NCAM1: variants seen among roughly 807,000 people sequenced by gnomAD.
NCAM1 encodes antigen recognized by monoclonal antibody 5.1H11.
NCAM1 carries 14 observed loss-of-function variants against 109.8 expected under a neutral mutation model. The ratio of observed to expected loss-of-function variants is 0.13; its 90% CI spans 0.08 to 0.20. The LOEUF (loss-of-function observed/expected upper bound fraction) is 0.20. NCAM1 is among the 10% of genes least tolerant of loss of function. The pLI is 1.00. For synonymous variants in NCAM1, 418 were observed against 442.9 expected (o/e 0.94, Z 0.70); for missense variants, 774 against 1,109.9 (o/e 0.70, Z 4.30).
chr11:113,231,927 C>A (rs1945021553), intron 10 of NCAM1, 132 bp downstream of exon 10: 4 of 1,275,108 alleles, frequency 3.1e-6, no homozygotes, highest in Non-Finnish European at 4.4e-6. Flanking sequence ...TGACCCTGGG[C>A]TATTTCAGAG....
chr11:113,184,231 A>G lies in NCAM1; in HGVS notation c.53-18148A>G, dbSNP rs533209056. 2.9e-3 allele frequency among the ~76,000 whole-genome samples: 437 copies of G among 152,368 alleles called. 2 individuals are homozygous for G. The highest frequency in any genetic ancestry group is 9.9e-3 in the African/African-American group (410 of 41,582). ...TTGGGACTCCATAGCTTTGAAGGCA[A>G]GATGAATTCAGCTAGGAACTGAGGG... On this transcript the variant is annotated intron_variant, in intron 1 of 19. Coordinates refer to ENST00000316851, the MANE Select transcript of NCAM1 (RefSeq NM_181351.5).
At chr11:113,072,001 C>A (rs1349951148) in intron 1 of NCAM1, among the ~76,000 whole-genome samples, 1 of 151,962 alleles carries the variant, frequency 6.6e-6, no homozygotes, top group Non-Finnish European at 1.5e-5. Flanking sequence ...AAAAATTAGC[C>A]AGGTATGGTG....
chr11:113,018,457 A>G (rs782160190), intron 1 of NCAM1, among the ~76,000 whole-genome samples: 5 of 152,090 alleles, frequency 3.3e-5, no homozygotes, highest in Non-Finnish European at 7.4e-5. Flanking sequence ...CCTTCCCTTG[A>G]GATAATATTG....
chr11:113,157,150 C>T (rs782592852), intron 1 of NCAM1, among the ~76,000 whole-genome samples: 2 of 152,004 alleles, frequency 1.3e-5, no homozygotes, highest in Non-Finnish European at 2.9e-5. Flanking sequence ...CACACACACA[C>T]ACACACACAC....
intron 15 of NCAM1, among the ~76,000 whole-genome samples, chr11:113,252,271 T>C (rs1945702283): frequency 6.6e-6 from 1 of 151,998 alleles, no homozygotes; most frequent in Non-Finnish European, 1.5e-5. Flanking sequence ...CCGAGTGTGG[T>C]GGCATGTGCC....
intron 1 of NCAM1, among the ~76,000 whole-genome samples, chr11:112,964,160 T>TTG (rs1249802009): frequency 1.2e-4 from 12 of 104,256 alleles, no homozygotes; most frequent in East Asian, 3.2e-4. Flanking sequence ...TTTTTGTTTT[T>TTG]TTTTTGGACT....
At chr11:113,148,194 C>G (rs991548254) in intron 1 of NCAM1, among the ~76,000 whole-genome samples, 1 of 152,076 alleles carries the variant, frequency 6.6e-6, no homozygotes, top group Non-Finnish European at 1.5e-5. Flanking sequence ...TGGGGCAGTT[C>G]GGACGTGCAG....
rs1417214572 is a variant in NCAM1 at position 113,242,872 on chromosome 11, G to A, written c.1826-3496G>A. ...GTGAGTACAGGGCTGAGTTGCTCTC[G>A]GCCAGACCTCTGATCGCTTGTTGTA... is the stretch of plus-strand genomic sequence containing the variant. On this transcript the variant is annotated intron_variant, in intron 14 of 19. Transcript: ENST00000316851. 10 of 1,613,672 alleles carry A rather than the reference G, an allele frequency of 6.2e-6. No homozygotes were observed. The African/African-American group carries it at 6.7e-5, about 11-fold the overall frequency.
chr11:112,987,470 T>C (rs2134761236), intron 1 of NCAM1, among the ~76,000 whole-genome samples: 1 of 152,264 alleles, frequency 6.6e-6, no homozygotes, highest in African/African-American at 2.4e-5. Context: ...GATCTAGCCA[T>C]TGTTGAAAGT....
intron 1 of NCAM1, among the ~76,000 whole-genome samples, chr11:113,012,433 G>A (rs1453946765): frequency 6.6e-6 from 1 of 152,138 alleles, no homozygotes; most frequent in Non-Finnish European, 1.5e-5. Context: ...TAAAGGTATT[G>A]TGATTGTGTA....
At chr11:113,188,847 G>A (rs1464337896) in intron 1 of NCAM1, among the ~76,000 whole-genome samples, 2 of 152,024 alleles carry the variant, frequency 1.3e-5, no homozygotes, top group Non-Finnish European at 2.9e-5. Context: ...GTGTGTGTGT[G>A]TGTCTCCCTG....
intron 1 of NCAM1, among the ~76,000 whole-genome samples, chr11:113,051,869 T>C (rs1747296734): frequency 1.3e-5 from 2 of 152,260 alleles, no homozygotes; most frequent in African/African-American, 4.8e-5. Flanking sequence ...TTAATTCATA[T>C]AAATGGAATA....
rs1190805388 is a variant in NCAM1 at position 112,962,325 on chromosome 11, AAGCCTACCCTCGGCCGCG to A, written c.52+665_52+682del. Among the ~76,000 whole-genome samples the A allele has an allele frequency of 6.6e-6, 1 of 152,132 alleles. No individual in the cohort carries two copies. Among genetic ancestry groups the A allele is most frequent in the Admixed American group, 6.5e-5 (1 of 15,284 alleles). On this transcript the variant is annotated intron_variant, in intron 1 of 19. Transcript: ENST00000316851. The surrounding 1 kb of genome is among the most constrained non-coding windows in gnomAD (Gnocchi z 5.6). ...TTTGCCAAATTGCTGGTTAGTTGCA[AAGCCTACCCTCGGCCGCG>A]AGCACTGAAGGATGGGAGGGTCGAG...
At chr11:113,104,207 T>TGGGGGGGGGG (rs1345382907) in intron 1 of NCAM1, among the ~76,000 whole-genome samples, 5 of 19,274 alleles carry the variant, frequency 2.6e-4, no homozygotes, top group African/African-American at 4.3e-4. Context: ...GGAGGTGGGG[T>TGGGGGGGGGG]GGGGGGGGGG....
intron 1 of NCAM1, among the ~76,000 whole-genome samples, chr11:113,122,978 C>T (rs1388686923): frequency 2.0e-5 from 3 of 152,066 alleles, no homozygotes; most frequent in African/African-American, 7.3e-5. Context: ...ATTGTATGTT[C>T]TCACTCATAT....
intron 1 of NCAM1, among the ~76,000 whole-genome samples, chr11:113,092,360 GA>G (rs1555089510): frequency 6.6e-6 from 1 of 152,140 alleles, no homozygotes; most frequent in African/African-American, 2.4e-5. Flanking sequence ...CCTCTCAACT[GA>G]AAGATGAGTA....
chr11:113,103,331 A>G (rs1555091856), intron 1 of NCAM1, among the ~76,000 whole-genome samples: 3 of 152,176 alleles, frequency 2.0e-5, no homozygotes, highest in African/African-American at 7.2e-5. Flanking sequence ...AGCTAAATGG[A>G]GTGATTTGAA....
intron 1 of NCAM1, among the ~76,000 whole-genome samples, chr11:113,029,980 G>A (rs190752121): frequency 3.9e-5 from 6 of 152,300 alleles, no homozygotes; most frequent in Admixed American, 1.3e-4. Context: ...TGCCCTACTA[G>A]TTGTGTGGCT....
intron 1 of NCAM1, among the ~76,000 whole-genome samples, chr11:113,180,558 T>A (rs1414814331): frequency 6.6e-6 from 1 of 152,214 alleles, no homozygotes; most frequent in Non-Finnish European, 1.5e-5. Flanking sequence ...AGAGCCCACA[T>A]AAGGGAAACC....
Sources: gnomAD v4.1 joint callset for allele counts (sites outside exome capture counted in the v4.1 genomes callset) on GRCh38, gnomAD v4.1.1 for gene constraint, Gnocchi (gnomAD v3.1) non-coding constraint, MANE v1.5 for transcripts, NCBI Gene and HGNC (gene_info 2026-07-23, HGNC 2026-07-21) for gene names.